The following MRPS2 variants were observed in gnomAD, a reference collection of about 807,000 sequenced individuals.
MRPS2 encodes mitochondrial ribosomal protein S2, also known as small ribosomal subunit protein uS2m.
Under a neutral mutation model 18.9 loss-of-function variants are expected in MRPS2, and 13 were observed. That is an observed-to-expected ratio of 0.69 (90% CI 0.45 to 1.09). MRPS2 has a LOEUF of 1.09. Among genes scored for constraint, MRPS2 ranks in the 50% least tolerant of loss-of-function variants. The pLI, the probability that MRPS2 is intolerant of heterozygous loss-of-function variation, is 0.00. For missense variants in MRPS2, 389 were observed against 421.7 expected, an observed-to-expected ratio of 0.92 and a Z score of 0.68; for synonymous variants, 186 against 178.4, an observed-to-expected ratio of 1.04 and a Z score of -0.34.
chr9:135,502,996 T>C, intron 3 of MRPS2: 1 of 590,462 alleles, frequency 1.7e-6, no homozygotes, highest in Non-Finnish European at 2.1e-6. Context: ...ATGACTCGCC[T>C]GTCACGCACC....
chr9:135,501,270 C>T (rs1831122433), intron 2 of MRPS2, 147 bp downstream of exon 2: 1 of 1,432,554 alleles, frequency 7.0e-7, no homozygotes, highest in Non-Finnish European at 9.1e-7. Flanking sequence ...CTCGCCGCCG[C>T]TCGGTCCTGC....
intron 2 of MRPS2, 120 bp from the exon 3 acceptor site, chr9:135,501,724 C>T (rs1588368113): frequency 2.0e-6 from 3 of 1,515,708 alleles, no homozygotes; most frequent in Non-Finnish European, 2.6e-6. Context: ...GCTGGGCTCC[C>T]GGCTCCCCAC....
At position 135,503,744 on chromosome 9, in the gene MRPS2, A is replaced by G. The variant is rs1221747338; in HGVS notation, c.502A>G (p.Thr168Ala). The G allele has an allele frequency of 1.9e-6, 3 of 1,612,936 alleles. No individual in the cohort carries two copies. Among genetic ancestry groups the G allele is most frequent in the South Asian group, 1.1e-5 (1 of 91,070 alleles). ...CCGTGACTGTGGCGAGTACGCCCAC[A>G]CTCGCTACTTCAGGGGCGGCATGCT... ...MARDCGEYAH[T>A]RYFRGGMLTN... is the part of the protein sequence containing the mutation. The change falls in exon 4 of 4, where the codon ACT becomes GCT. Residue 168 changes from threonine to alanine, a missense_variant. Physicochemically the swap from Thr to Ala is moderately conservative, Grantham distance 58. Coordinates refer to ENST00000241600, the MANE Select transcript of MRPS2 (RefSeq NM_016034.5).
intron 2 of MRPS2, 23 bp from the exon 3 acceptor site, chr9:135,501,821 G>T: frequency 6.2e-7 from 1 of 1,611,988 alleles, no homozygotes; most frequent in South Asian, 1.1e-5. Context: ...GAGACGCAGC[G>T]TCGCTCCTCC....
rs751880744 is a variant in MRPS2, at chr9:135,503,713, C to T, written c.471C>T (p.Asn157=). Residue 157 remains asparagine (N), a synonymous_variant, in exon 4 of 4, where the codon AAC becomes AAT. Coordinates refer to ENST00000241600, the MANE Select transcript of MRPS2 (RefSeq NM_016034.5). The stretch of plus-strand genomic sequence containing the variant: ...GGCAGTTCTCGTACCTGATTGAGAA[C>T]ATGGCCCGTGACTGTGGCGAGTACG... The part of the protein sequence containing the change: ...RNRQFSYLIE[N]MARDCGEYAH... 4.1e-4 allele frequency: 656 copies of T among 1,613,556 alleles called. No individual in the cohort carries two copies. Among genetic ancestry groups the T allele is most frequent in the Non-Finnish European group, 5.0e-4 (588 of 1,180,042 alleles).
At chr9:135,500,922 CCGTTGGGGATG>C in intron 1 of MRPS2, 65 bp from the exon 2 acceptor site, 3 of 1,592,378 alleles carry the variant, frequency 1.9e-6, no homozygotes, top group Non-Finnish European at 2.6e-6. Flanking sequence ...GCGGAGGGGC[CCGTTGGGGATG>C]CGGTGGGGAG....
In MRPS2 at chr9:135,500,986, A is replaced by C; in HGVS notation, c.44-12A>C. The C allele has an allele frequency of 6.2e-7, 1 of 1,610,312 alleles. No homozygotes were observed. Among genetic ancestry groups the C allele is most frequent in the Non-Finnish European group, 8.5e-7 (1 of 1,179,188 alleles). ...GGACTCGGCGCCAGGACCTCTATCT[A>C]CTTCCCCCCAGGTGCCCGGGCCCCG... On this transcript the variant is annotated splice_polypyrimidine_tract_variant and intron_variant, in intron 1 of 3. Transcript: ENST00000241600.
chr9:135,502,194 T>C, intron 3 of MRPS2: 1 of 1,363,188 alleles, frequency 7.3e-7, no homozygotes, highest in Non-Finnish European at 9.5e-7. Flanking sequence ...CAGCCCTTGA[T>C]AGGGCAGGCC....
In MRPS2 at chr9:135,504,326, G is replaced by C. The variant is rs1345812446; in HGVS notation, c.*193G>C. ...GTTGCCATGTGCGTTTGCTCTGTGG[G>C]GAACAGAGCACAGAGGGTGAGCGAC... On this transcript the variant is annotated 3_prime_UTR_variant, in exon 4 of 4. Coordinates refer to ENST00000241600, the MANE Select transcript of MRPS2 (RefSeq NM_016034.5). The surrounding 1 kb of genome is among the most constrained non-coding windows in gnomAD (Gnocchi z 4.3). 16 of 619,954 alleles carry C rather than the reference G, an allele frequency of 2.6e-5. No homozygotes were observed. The highest frequency in any genetic ancestry group is 5.9e-5 in the Admixed American group (2 of 33,728). 38.4% of individuals were successfully genotyped at this position (619,954 alleles called of 1,614,324 possible). A position where few individuals can be genotyped will look rare whatever the true frequency, so the allele number is the denominator to read the frequency against.
intron 2 of MRPS2, chr9:135,501,425 G>A: frequency 1.8e-6 from 2 of 1,141,818 alleles, no homozygotes; most frequent in Non-Finnish European, 2.2e-6. Flanking sequence ...TCGCCCAGGC[G>A]GGCCCAAGTG....
intron 3 of MRPS2, chr9:135,502,337 C>T (rs1477607261): frequency 2.5e-6 from 2 of 805,222 alleles, no homozygotes; most frequent in Non-Finnish European, 3.1e-6. Context: ...TGTATTCTCA[C>T]ATGGTCATTT....
chr9:135,504,517 G>C lies in MRPS2; in HGVS notation c.*384G>C, dbSNP rs1018888339. ...TTCTTCTCAATCTAAATGCCTTTCA[G>C]GTGGGCCGCTTCCTTGGCTACCTGG... On this transcript the variant is annotated 3_prime_UTR_variant, in exon 4 of 4. Coordinates refer to ENST00000241600, the MANE Select transcript of MRPS2 (RefSeq NM_016034.5). This position sits in a 1 kb window ranked among gnomAD's most constrained non-coding sequence, Gnocchi z 4.3. 1 of 195,476 alleles carries C rather than the reference G, an allele frequency of 5.1e-6. No homozygotes were observed. Among genetic ancestry groups the C allele is most frequent in the African/African-American group, 2.3e-5 (1 of 42,668 alleles). 12.1% of individuals were successfully genotyped at this position (195,476 alleles called of 1,614,324 possible).
chr9:135,501,782 G>C lies in MRPS2; in HGVS notation c.170-62G>C, dbSNP rs942266342. ...GGGAGCAGGGGTGGGCGGGAACTGC[G>C]CTCTGCCTGTCTCTGCTGCCACCGG... On this transcript the variant is annotated intron_variant, in intron 2 of 3. Coordinates refer to ENST00000241600, the MANE Select transcript of MRPS2 (RefSeq NM_016034.5). The C allele has an allele frequency of 2.9e-5, 46 of 1,598,632 alleles. No homozygotes were observed. The African/African-American group carries it at 5.1e-4, about 18-fold the overall frequency.
chr9:135,502,307 G>C, intron 3 of MRPS2: 1 of 1,122,582 alleles, frequency 8.9e-7, no homozygotes, highest in Non-Finnish European at 1.1e-6. Context: ...TGGGCTGCGG[G>C]GAGGAGGAAT....
chr9:135,500,683 A>G lies in MRPS2; in HGVS notation c.-28A>G. ...AGGCCGCTCGGCCTGGCCTGGAGGGAGACCTCGCTCTGCCCCGCGTCCCAG... is the reference window on the plus strand; with the variant it reads ...AGGCCGCTCGGCCTGGCCTGGAGGGGGACCTCGCTCTGCCCCGCGTCCCAG... On this transcript the variant is annotated 5_prime_UTR_variant, in exon 1 of 4. Coordinates refer to ENST00000241600, the MANE Select transcript of MRPS2 (RefSeq NM_016034.5). The G allele has an allele frequency of 6.9e-7, 1 of 1,454,420 alleles. No homozygotes were observed. The highest frequency in any genetic ancestry group is 9.0e-7 in the Non-Finnish European group (1 of 1,110,944). The allele number at this position is 1,454,420 out of a possible 1,614,324, so 90.1% of individuals were successfully genotyped here.
chr9:135,500,775 C>G, intron 1 of MRPS2, 22 bp downstream of exon 1: 1 of 1,482,170 alleles, frequency 6.7e-7, no homozygotes, highest in Non-Finnish European at 8.9e-7. Flanking sequence ...CTTGCGGGAC[C>G]CTGGGGAGGA....
rs1336052942 is a variant in MRPS2 at position 135,503,687 on chromosome 9, C to T, written c.445C>T (p.Arg149Trp). 3.7e-6 allele frequency: 6 copies of T among 1,613,738 alleles called. No homozygotes were observed. The highest frequency in any genetic ancestry group is 2.7e-5 in the African/African-American group (2 of 75,038). Residue 149 changes from arginine (R) to tryptophan (W), a missense_variant, in exon 4 of 4, where the codon CGG becomes TGG. Coordinates refer to ENST00000241600, the MANE Select transcript of MRPS2 (RefSeq NM_016034.5). Reference sequence around the variant, plus strand: ...CATCATCTTGTTTATAAGCCGCAACCGGCAGTTCTCGTACCTGATTGAGAA... The same window carrying T: ...CATCATCTTGTTTATAAGCCGCAACTGGCAGTTCTCGTACCTGATTGAGAA... ...KGIILFISRN[R>W]QFSYLIENMA...
At chr9:135,500,868 G>C in intron 1 of MRPS2, 115 bp downstream of exon 1, 1 of 1,529,062 alleles carries the variant, frequency 6.5e-7, no homozygotes. Context: ...GCGCGGAGGG[G>C]ACTCGGGGAG....
In MRPS2 at chr9:135,501,879, C is replaced by G. The variant is rs778168822; in HGVS notation, c.205C>G (p.His69Asp). ...CAAGATTTTGAATGAGCCCCTCAAG[C>G]ACTCTGACTTCTTCAATGTCAAGGA... Reference protein sequence around the residue: ...NDKILNEPLKHSDFFNVKELF... With the variant: ...NDKILNEPLKDSDFFNVKELF... The change falls in exon 3 of 4, where the codon CAC becomes GAC. Residue 69 changes from histidine (H) to aspartate (D), a missense_variant. Physicochemically the swap from His to Asp is moderately conservative, Grantham distance 81 (BLOSUM62 -1). Coordinates refer to ENST00000241600, the MANE Select transcript of MRPS2 (RefSeq NM_016034.5). 3 of 1,613,830 alleles carry G rather than the reference C, an allele frequency of 1.9e-6. No individual in the cohort carries two copies. In the East Asian group the frequency reaches 6.7e-5, roughly 36 times the overall value.
Sources: gnomAD v4.1 joint callset for allele counts on GRCh38, gnomAD v4.1.1 for gene constraint, Gnocchi (gnomAD v3.1) non-coding constraint, MANE v1.5 for transcripts, NCBI Gene and HGNC (gene_info 2026-07-23, HGNC 2026-07-21) for gene names.